STXBP4: variants seen among roughly 807,000 people sequenced by gnomAD.
STXBP4 encodes the protein syntaxin-binding protein 4.
Under a neutral mutation model 76.1 loss-of-function variants are expected in STXBP4, and 55 were observed. That is an observed-to-expected ratio of 0.72 (90% confidence interval 0.58 to 0.91). The LOEUF (loss-of-function observed/expected upper bound fraction) is 0.91. Ranked by LOEUF, STXBP4 falls within the 40% of genes least tolerant of loss-of-function variation. The pLI is 0.00. For synonymous variants in STXBP4, 201 were observed against 220.2 expected, an observed-to-expected ratio of 0.91 and a Z score of 0.77; for missense variants, 618 against 636.9, an observed-to-expected ratio of 0.97 and a Z score of 0.32.
In STXBP4 at chr17:55,135,870, A is replaced by G. The variant is rs1377652186; in HGVS notation, c.1490-5440A>G. ...GTTCTTCAAAGAGTTAGGCAAAAGT[A>G]TTATTTGATTGTTTTAATTTTGACT... is the stretch of plus-strand genomic sequence containing the variant. On this transcript the variant is annotated intron_variant, in intron 16 of 17. Coordinates refer to ENST00000376352, the MANE Select transcript of STXBP4 (RefSeq NM_178509.6). Among the ~76,000 whole-genome samples, 5 of 152,298 alleles carry G rather than the reference A, an allele frequency of 3.3e-5. No individual in the cohort carries two copies. The East Asian group carries it at 9.6e-4, about 29-fold the overall frequency.
chr17:55,130,407 A>C (rs1172832414), intron 16 of STXBP4, among the ~76,000 whole-genome samples: 2 of 152,212 alleles, frequency 1.3e-5, no homozygotes, highest in African/African-American at 4.8e-5. Flanking sequence ...TAATTGACAA[A>C]TGATAATTGT....
intron 3 of STXBP4, among the ~76,000 whole-genome samples, chr17:54,989,171 G>A (rs1018126372): frequency 7.9e-5 from 12 of 152,162 alleles, no homozygotes; most frequent in Admixed American, 3.3e-4. Context: ...GCAGTGGCAC[G>A]ATCTTGGCTC....
At chr17:55,087,625 G>A (rs1170609766) in intron 16 of STXBP4, among the ~76,000 whole-genome samples, 2 of 152,164 alleles carry the variant, frequency 1.3e-5, no homozygotes, top group African/African-American at 4.8e-5. Context: ...CCGGTCCCAT[G>A]CTGTTTTGGT....
intron 16 of STXBP4, among the ~76,000 whole-genome samples, chr17:55,111,239 A>G (rs927952287): frequency 6.6e-6 from 1 of 152,184 alleles, no homozygotes; most frequent in African/African-American, 2.4e-5. Context: ...CACTTAGAGT[A>G]AGATCCAAAC....
At chr17:55,190,576 A>T in the STXBP4 span, among the ~76,000 whole-genome samples, 1 of 152,196 alleles carries the variant, frequency 6.6e-6, no homozygotes, top group Non-Finnish European at 1.5e-5. Context: ...CCCACAGAAG[A>T]ACAAAAGTAA....
intron 16 of STXBP4, among the ~76,000 whole-genome samples, chr17:55,113,412 T>G (rs1006827959): frequency 3.9e-5 from 6 of 152,182 alleles, no homozygotes; most frequent in African/African-American, 1.4e-4. Flanking sequence ...GAAATTCCAC[T>G]GAATCTATAC....
At chr17:55,114,129 G>A (rs1487534392) in intron 16 of STXBP4, among the ~76,000 whole-genome samples, 2 of 151,886 alleles carry the variant, frequency 1.3e-5, no homozygotes, top group Non-Finnish European at 2.9e-5. Flanking sequence ...CATTTGGAAG[G>A]CTTCCTACCT....
At chr17:55,211,327 C>T in the STXBP4 span, among the ~76,000 whole-genome samples, 1 of 152,200 alleles carries the variant, frequency 6.6e-6, no homozygotes, top group Admixed American at 6.5e-5. Context: ...GCAACCTCCA[C>T]CTCCCGGGTT....
intron 1 of STXBP4, among the ~76,000 whole-genome samples, chr17:54,970,296 T>C (rs538073202): frequency 6.6e-6 from 1 of 152,270 alleles, no homozygotes; most frequent in East Asian, 1.9e-4. Flanking sequence ...CTGACTCACA[T>C]TTTTGAAAAG....
chr17:54,969,624 A>T (rs571698802), intron 1 of STXBP4, among the ~76,000 whole-genome samples: 44 of 152,238 alleles, frequency 2.9e-4, no homozygotes, highest in Non-Finnish European at 5.3e-4. Context: ...GAATGTAGTT[A>T]AAAGTTAGGC....
intron 16 of STXBP4, among the ~76,000 whole-genome samples, chr17:55,140,359 C>T (rs2080081003): frequency 6.6e-6 from 1 of 152,104 alleles, no homozygotes; most frequent in Admixed American, 6.6e-5. Flanking sequence ...TGCTCTGCCC[C>T]TTGCTGAGAC....
At chr17:55,104,685 A>T (rs2529510) in intron 16 of STXBP4, among the ~76,000 whole-genome samples, 120,523 of 152,062 alleles carry the variant, frequency 0.79, 48,306 homozygotes, top group East Asian at 0.91. Context: ...TTGTTTGGGA[A>T]AGTTTCAGAA....
the STXBP4 span, among the ~76,000 whole-genome samples, chr17:55,194,362 T>C: frequency 2.0e-5 from 3 of 152,104 alleles, no homozygotes; most frequent in Non-Finnish European, 4.4e-5. Context: ...TGTATATATA[T>C]ATAAATATGA....
intron 8 of STXBP4, among the ~76,000 whole-genome samples, chr17:55,020,269 T>G (rs1264907222): frequency 6.6e-6 from 1 of 152,220 alleles, no homozygotes; most frequent in Non-Finnish European, 1.5e-5. Context: ...TCTGCTTCAC[T>G]CTCTTCAACC....
intron 17 of STXBP4, among the ~76,000 whole-genome samples, chr17:55,143,985 G>T (rs1306654399): frequency 6.7e-6 from 1 of 149,006 alleles, no homozygotes; most frequent in Non-Finnish European, 1.5e-5. Flanking sequence ...ATCCAGGGTT[G>T]TCTGGCCCCA....
intron 17 of STXBP4, among the ~76,000 whole-genome samples, chr17:55,158,270 T>C (rs940791037): frequency 6.6e-6 from 1 of 152,172 alleles, no homozygotes; most frequent in Non-Finnish European, 1.5e-5. Flanking sequence ...CTCGGGAACA[T>C]ACTTTGGAAA....
chr17:55,077,685 TCG>T, intron 13 of STXBP4, among the ~76,000 whole-genome samples: 1 of 90,938 alleles, frequency 1.1e-5, no homozygotes, highest in Admixed American at 1.1e-4. Context: ...TTGTCTTACA[TCG>T]TGTGTGTGTG....
At chr17:55,133,751 A>G (rs767352031) in intron 16 of STXBP4, among the ~76,000 whole-genome samples, 5 of 152,198 alleles carry the variant, frequency 3.3e-5, no homozygotes, top group Non-Finnish European at 5.9e-5. Flanking sequence ...ACATACAGTC[A>G]TAAGTGAAGG....
rs1219715199 is a variant in STXBP4, at chr17:55,112,795, G to T, written c.1490-28515G>T. ...AGAACTCATTTGGGACAGTTCAGAG[G>T]AGGAAGAGGGGCCAGATGAGGAGCA... On this transcript the variant is annotated intron_variant, in intron 16 of 17. Transcript: ENST00000376352. Among the ~76,000 whole-genome samples, 6 of 152,124 alleles carry T rather than the reference G, an allele frequency of 3.9e-5. No individual in the cohort carries two copies. The East Asian group carries it at 7.7e-4, about 20-fold the overall frequency.
Sources: gnomAD v4.1 joint callset for allele counts (sites outside exome capture counted in the v4.1 genomes callset) on GRCh38, gnomAD v4.1.1 for gene constraint, MANE v1.5 for transcripts, NCBI Gene and HGNC (gene_info 2026-07-23, HGNC 2026-07-21) for gene names.